The following LAMA3 variants were observed in gnomAD, a reference collection of about 807,000 sequenced individuals.
LAMA3 encodes the protein laminin subunit alpha 3.
Under a neutral mutation model 402.0 loss-of-function variants are expected in LAMA3, and 281 were observed. That is an observed-to-expected ratio of 0.70 (90% CI 0.63 to 0.77). The LOEUF (loss-of-function observed/expected upper bound fraction) is 0.77. LAMA3 is among the 30% of genes least tolerant of loss of function. The pLI is 0.00. For missense variants in LAMA3, 3,840 were observed against 4,215.5 expected, an observed-to-expected ratio of 0.91 and a Z score of 2.47; for synonymous variants, 1,431 against 1,558.4, an observed-to-expected ratio of 0.92 and a Z score of 1.93.
At chr18:23,859,146 C>A (rs1261739182) in intron 34 of LAMA3, among the ~76,000 whole-genome samples, 3 of 152,190 alleles carry the variant, frequency 2.0e-5, no homozygotes, top group African/African-American at 4.8e-5. Flanking sequence ...CGCTGATACA[C>A]CCCTAGTGCC....
intron 6 of LAMA3, among the ~76,000 whole-genome samples, chr18:23,757,651 A>T (rs1382931144): frequency 6.6e-6 from 1 of 152,208 alleles, no homozygotes; most frequent in Non-Finnish European, 1.5e-5. Context: ...CCTGCTCCAC[A>T]GACAGCTGCG....
chr18:23,915,827 G>A (rs1413097374), intron 59 of LAMA3, among the ~76,000 whole-genome samples: 4 of 151,602 alleles, frequency 2.6e-5, no homozygotes, highest in African/African-American at 7.3e-5. Flanking sequence ...CCAACATGGC[G>A]AAACCCCATC....
intron 11 of LAMA3, among the ~76,000 whole-genome samples, chr18:23,783,496 G>A (rs2062477585): frequency 6.6e-6 from 1 of 152,158 alleles, no homozygotes; most frequent in African/African-American, 2.4e-5. Context: ...GGATTGGCCT[G>A]AGCAGAGGTC....
At chr18:23,758,081 G>A (rs1180614179) in intron 6 of LAMA3, among the ~76,000 whole-genome samples, 1 of 152,172 alleles carries the variant, frequency 6.6e-6, no homozygotes, top group African/African-American at 2.4e-5. Flanking sequence ...GTAACAATGG[G>A]GTAGAGAAGA....
At chr18:23,816,140 A>ATTTTGT (rs963579208) in intron 17 of LAMA3, among the ~76,000 whole-genome samples, 6 of 152,130 alleles carry the variant, frequency 3.9e-5, no homozygotes, top group African/African-American at 9.6e-5. Context: ...CACCATTTTA[A>ATTTTGT]TTTTGTTTTT....
At chr18:23,947,609 A>C (rs557520253) in intron 70 of LAMA3, among the ~76,000 whole-genome samples, 80 of 152,238 alleles carry the variant, frequency 5.3e-4, no homozygotes, top group African/African-American at 1.8e-3. Flanking sequence ...TATACAATAA[A>C]GTATATTTAT....
chr18:23,920,363 T>C (rs955645219), intron 60 of LAMA3, among the ~76,000 whole-genome samples: 2 of 152,022 alleles, frequency 1.3e-5, no homozygotes, highest in Admixed American at 1.3e-4. Context: ...GGAGAACAAT[T>C]TGGGGCCCAT....
chr18:23,903,876 C>T, intron 49 of LAMA3, 57 bp from the exon 50 acceptor site: 1 of 1,376,360 alleles, frequency 7.3e-7, no homozygotes, highest in African/African-American at 1.4e-5. Context: ...TTTGAGAAAT[C>T]AGCACCTACA....
intron 35 of LAMA3, 112 bp downstream of exon 35, chr18:23,861,919 G>A (rs572798081): frequency 3.8e-5 from 47 of 1,222,540 alleles, no homozygotes; most frequent in Non-Finnish European, 4.8e-5. Context: ...GGTTACTAAC[G>A]TTCCAGAAAT....
At chr18:23,732,373 G>T (rs1473721683) in intron 2 of LAMA3, among the ~76,000 whole-genome samples, 1 of 152,176 alleles carries the variant, frequency 6.6e-6, no homozygotes, top group Non-Finnish European at 1.5e-5. Flanking sequence ...GACTTTGAGG[G>T]TGGGAATGAA....
At chr18:23,821,960 T>A (rs12957168) in intron 19 of LAMA3, among the ~76,000 whole-genome samples, 4 of 152,050 alleles carry the variant, frequency 2.6e-5, no homozygotes, top group African/African-American at 4.8e-5. Flanking sequence ...CATCTAATAC[T>A]CCACTCTGTC....
At chr18:23,776,071 A>G in intron 10 of LAMA3, 148 bp downstream of exon 10, 1 of 819,994 alleles carries the variant, frequency 1.2e-6, no homozygotes, top group Non-Finnish European at 2.1e-6. Flanking sequence ...TGTTTCTGAA[A>G]GTTTGGAATA....
At chr18:23,690,099 G>GGGCTGCCCTTCC in intron 1 of LAMA3, 122 bp downstream of exon 1, 1 of 799,216 alleles carries the variant, frequency 1.3e-6, no homozygotes, top group Non-Finnish European at 1.8e-6. Context: ...ACTGGGAAGG[G>GGGCTGCCCTTCC]CAGCCCCCAT....
chr18:23,881,891 G>T, intron 39 of LAMA3, 45 bp from the exon 40 acceptor site: 2 of 1,203,684 alleles, frequency 1.7e-6, no homozygotes, highest in East Asian at 2.4e-5. Context: ...TCAGAAGTAG[G>T]GACTGTACTG....
intron 39 of LAMA3, 37 bp from the exon 40 acceptor site, chr18:23,881,899 C>A: frequency 2.3e-6 from 3 of 1,317,252 alleles, no homozygotes; most frequent in Non-Finnish European, 3.3e-6. Context: ...AGGGACTGTA[C>A]TGGCTGCTGT....
intron 41 of LAMA3, among the ~76,000 whole-genome samples, chr18:23,889,074 G>GT (rs1475235428): frequency 6.6e-6 from 1 of 152,118 alleles, no homozygotes; most frequent in Non-Finnish European, 1.5e-5. Context: ...GCTCTCAGTT[G>GT]TTTAAGAGTC....
intron 62 of LAMA3, among the ~76,000 whole-genome samples, chr18:23,926,797 G>C (rs915618090): frequency 2.0e-5 from 3 of 152,304 alleles, no homozygotes; most frequent in African/African-American, 7.2e-5. Flanking sequence ...AAATGCCCTG[G>C]GGCCATGTAG....
chr18:23,736,014 A>G (rs1020822851), intron 2 of LAMA3, among the ~76,000 whole-genome samples: 2 of 152,104 alleles, frequency 1.3e-5, no homozygotes, highest in South Asian at 4.2e-4. Context: ...CCAGATAGGA[A>G]TGAGGGATGG....
intron 68 of LAMA3, among the ~76,000 whole-genome samples, chr18:23,941,003 T>C (rs1219568209): frequency 6.6e-6 from 1 of 150,650 alleles, no homozygotes; most frequent in East Asian, 1.9e-4. Context: ...GTGGTGCGAC[T>C]TGGCTCACTG....
Sources: allele counts gnomAD v4.1 joint callset (sites outside exome capture counted in the v4.1 genomes callset), GRCh38; gene constraint gnomAD v4.1.1; transcripts MANE v1.5; gene names NCBI Gene and HGNC (gene_info 2026-07-23, HGNC 2026-07-21).